Variants in ZMYM2 observed in about 807,000 individuals in gnomAD.
The protein encoded by ZMYM2 is zinc finger MYM-type protein 2.
ZMYM2 carries 56 observed loss-of-function variants against 162.8 expected under a neutral mutation model. The ratio of observed to expected loss-of-function variants is 0.34; its 90% CI spans 0.28 to 0.43. The LOEUF is 0.43. ZMYM2 is among the 20% of genes least tolerant of loss of function. The pLI is 1.00. For missense variants in ZMYM2, 1,275 were observed against 1,621.8 expected (o/e 0.79, Z 3.67); for synonymous variants, 510 against 541.6 (o/e 0.94, Z 0.81).
At chr13:20,023,693 A>G (rs1006596414) in intron 7 of ZMYM2, among the ~76,000 whole-genome samples, 1 of 152,336 alleles carries the variant, frequency 6.6e-6, no homozygotes, top group South Asian at 2.1e-4. Context: ...TTATTCCACA[A>G]AACTTTACAT....
At chr13:19,916,020 C>T in the ZMYM2 span, among the ~76,000 whole-genome samples, 12,429 of 151,782 alleles carry the variant, frequency 0.082, 535 homozygotes, top group Middle Eastern at 0.12. Context: ...CCACCACACC[C>T]GGCTAATTTT....
chr13:19,994,278 C>T (rs568603920), intron 3 of ZMYM2, among the ~76,000 whole-genome samples: 2 of 152,136 alleles, frequency 1.3e-5, no homozygotes, highest in East Asian at 3.9e-4. Context: ...CCCAGGAGTT[C>T]GAGACCAGTC....
chr13:19,980,745 T>A (rs1594147672), intron 2 of ZMYM2, among the ~76,000 whole-genome samples: 1 of 101,556 alleles, frequency 9.8e-6, no homozygotes. Context: ...AGAGCGAGAC[T>A]CCATCTCAAA....
upstream of ZMYM2, among the ~76,000 whole-genome samples, chr13:19,958,332 G>T (rs548445221): frequency 7.1e-4 from 108 of 152,216 alleles, no homozygotes; most frequent in African/African-American, 2.5e-3. Flanking sequence ...GGGCTCGGGC[G>T]AGGGCAGGCG....
rs531779067 is a variant in ZMYM2 at position 20,036,345 on chromosome 13, C to A, written c.2120-392C>A. On this transcript the variant is annotated intron_variant, in intron 11 of 24. Coordinates refer to ENST00000610343, the MANE Select transcript of ZMYM2 (RefSeq NM_197968.4). ...AAATGCCCACTTAAGTTGAATATCT[C>A]TATAAATTTACTCAGAGCCTCTCAG... Among the ~76,000 whole-genome samples, 3 of 151,972 alleles carry A rather than the reference C, an allele frequency of 2.0e-5. No homozygotes were observed. In the South Asian group the frequency reaches 6.2e-4, roughly 32 times the overall value.
chr13:20,021,077 G>A (rs540834964), intron 7 of ZMYM2, among the ~76,000 whole-genome samples: 5 of 151,294 alleles, frequency 3.3e-5, no homozygotes, highest in African/African-American at 4.9e-5. Context: ...CCAGGTTAAC[G>A]CCATTCTCCT....
intron 8 of ZMYM2, 25 bp downstream of exon 8, chr13:20,026,787 TA>T (rs138849093): frequency 7.0e-6 from 11 of 1,562,126 alleles, no homozygotes; most frequent in Middle Eastern, 1.8e-4. Context: ...TTTGGACAGT[TA>T]AAAAAACTTT....
At chr13:19,938,618 A>G in the ZMYM2 span, among the ~76,000 whole-genome samples, 2 of 152,204 alleles carry the variant, frequency 1.3e-5, no homozygotes, top group East Asian at 3.8e-4. Context: ...GAGCTCCTGT[A>G]CTAGGCTCTG....
chr13:19,922,317 A>C, the ZMYM2 span, among the ~76,000 whole-genome samples: 2 of 152,118 alleles, frequency 1.3e-5, no homozygotes. Flanking sequence ...TTGATTAATG[A>C]TTGGCTCTAC....
chr13:19,913,282 A>C, the ZMYM2 span, among the ~76,000 whole-genome samples: 6 of 152,102 alleles, frequency 3.9e-5, no homozygotes, highest in East Asian at 3.9e-4. Flanking sequence ...TGAATCCTTA[A>C]CCACGGGCCA....
the ZMYM2 span, among the ~76,000 whole-genome samples, chr13:19,896,278 G>A: frequency 6.6e-6 from 1 of 151,348 alleles, no homozygotes; most frequent in Non-Finnish European, 1.5e-5. Context: ...TGAGTAGCTG[G>A]GACTACAATT....
chr13:20,041,068 A>G (rs1954201716), intron 12 of ZMYM2, among the ~76,000 whole-genome samples: 3 of 152,162 alleles, frequency 2.0e-5, no homozygotes, highest in African/African-American at 7.2e-5. Context: ...AGTGAGAAGA[A>G]TGTATATTCT....
chr13:20,028,170 A>G (rs940133357), intron 9 of ZMYM2: 2 of 160,506 alleles, frequency 1.2e-5, no homozygotes, highest in African/African-American at 2.4e-5. Flanking sequence ...TTTGAATTCA[A>G]ATGAATGTCA....
chr13:20,042,487 T>A (rs1429576077), intron 12 of ZMYM2, among the ~76,000 whole-genome samples: 1 of 152,172 alleles, frequency 6.6e-6, no homozygotes, highest in Non-Finnish European at 1.5e-5. Flanking sequence ...AGTTTCAGTG[T>A]GCTCCTGCTT....
At chr13:19,968,781 A>G (rs1956037576) in intron 2 of ZMYM2, among the ~76,000 whole-genome samples, 2 of 152,228 alleles carry the variant, frequency 1.3e-5, no homozygotes, top group Admixed American at 1.3e-4. Context: ...TTCTGTTGGC[A>G]TGTGAAACAA....
intron 2 of ZMYM2, among the ~76,000 whole-genome samples, chr13:19,987,984 A>G (rs1949312801): frequency 6.6e-6 from 1 of 152,216 alleles, no homozygotes; most frequent in African/African-American, 2.4e-5. Context: ...ATCTGACAGC[A>G]GATAGACACA....
intron 2 of ZMYM2, among the ~76,000 whole-genome samples, chr13:19,970,838 G>C (rs1956249418): frequency 6.6e-6 from 1 of 152,118 alleles, no homozygotes; most frequent in East Asian, 1.9e-4. Context: ...AGTATGATCT[G>C]AGATTGTAGC....
intron 12 of ZMYM2, among the ~76,000 whole-genome samples, chr13:20,049,672 T>C (rs1955135777): frequency 6.6e-6 from 1 of 152,114 alleles, no homozygotes; most frequent in Non-Finnish European, 1.5e-5. Flanking sequence ...TCTGCATTTT[T>C]AATATTTGAC....
Position 20,044,092 on chromosome 13 carries a change from G to C in ZMYM2, c.2292+7183G>C, listed in dbSNP as rs142718454. 1.4e-4 allele frequency among the ~76,000 whole-genome samples: 21 copies of C among 152,266 alleles called. No homozygotes were observed. In the East Asian group the frequency reaches 3.7e-3, roughly 27 times the overall value. The stretch of plus-strand genomic sequence containing the variant: ...AGACCTCCCCGCAGAGTTCAGATCT[G>C]ACAGTTGCCCTAGGGTTAAAGTCTC... On this transcript the variant is annotated intron_variant, in intron 12 of 24. Coordinates refer to ENST00000610343, the MANE Select transcript of ZMYM2 (RefSeq NM_197968.4).
Sources: allele counts gnomAD v4.1 joint callset (sites outside exome capture counted in the v4.1 genomes callset), GRCh38; gene constraint gnomAD v4.1.1; transcripts MANE v1.5; gene names NCBI Gene and HGNC (gene_info 2026-07-23, HGNC 2026-07-21).